The following CCDC198 variants were observed in gnomAD, a reference collection of about 807,000 sequenced individuals.
CCDC198 encodes the protein factor associated with metabolism and energy.
CCDC198 carries 18 observed loss-of-function variants against 35.6 expected under a neutral mutation model. The ratio of observed to expected loss-of-function variants is 0.51; its 90% CI spans 0.35 to 0.75. The LOEUF (loss-of-function observed/expected upper bound fraction) is 0.75. Among genes scored for constraint, CCDC198 ranks in the 30% least tolerant of loss-of-function variants. The probability of loss-of-function intolerance (pLI) is 0.01; values close to 1 mark genes in which losing one functional copy is unlikely to be tolerated. For missense variants in CCDC198, 365 were observed against 343.7 expected (o/e 1.06, Z -0.49); for synonymous variants, 119 against 113.4 (o/e 1.05, Z -0.31).
intron 2 of CCDC198, among the ~76,000 whole-genome samples, chr14:57,484,310 A>G (rs983355739): frequency 3.3e-5 from 5 of 152,170 alleles, no homozygotes; most frequent in Non-Finnish European, 5.9e-5. Context: ...GGACACAGAC[A>G]CACACACAGG....
intron 2 of CCDC198, among the ~76,000 whole-genome samples, chr14:57,483,756 TCTGCCTC>T (rs1158846295): frequency 6.6e-6 from 1 of 152,180 alleles, no homozygotes; most frequent in African/African-American, 2.4e-5. Flanking sequence ...TGTCAACCGG[TCTGCCTC>T]CAGCCGGATC....
Position 57,471,425 on chromosome 14 carries a change from T to C in CCDC198, c.821A>G (p.Lys274Arg), listed in dbSNP as rs778097592. ...CCTGGTCCTCACCAGTGCTCGTGGCTTCTTCTCATCTTTCCCCTGCTCATC... is the reference window on the plus strand; with the variant it reads ...CCTGGTCCTCACCAGTGCTCGTGGCCTCTTCTCATCTTTCCCCTGCTCATC... ...DSDEQGKDEK[K>R]PRALVRTRTE... The change falls in exon 6 of 6, where the codon AAG (lysine) becomes AGG (arginine). Residue 274 changes from lysine (K) to arginine (R), a missense_variant. Lys to Arg is a conservative substitution (Grantham distance 26). Transcript: ENST00000216445. The C allele has an allele frequency of 6.2e-7, 1 of 1,613,784 alleles. No homozygotes were observed. Among genetic ancestry groups the C allele is most frequent in the South Asian group, 1.1e-5 (1 of 91,082 alleles).
intron 2 of CCDC198, among the ~76,000 whole-genome samples, chr14:57,487,907 C>T (rs998287657): frequency 1.6e-4 from 24 of 152,214 alleles, no homozygotes; most frequent in Admixed American, 9.8e-4. Context: ...GGAGTGTCTG[C>T]CAAGTTTCTA....
intron 2 of CCDC198, among the ~76,000 whole-genome samples, chr14:57,484,305 C>T (rs1394398196): frequency 6.6e-6 from 1 of 152,176 alleles, no homozygotes; most frequent in East Asian, 1.9e-4. Context: ...AATCTGGACA[C>T]AGACACACAC....
intron 1 of CCDC198, among the ~76,000 whole-genome samples, chr14:57,492,359 T>G (rs572335296): frequency 1.3e-5 from 2 of 152,252 alleles, no homozygotes; most frequent in South Asian, 2.1e-4. Flanking sequence ...CTTTTTTTTC[T>G]TTTAATTGAG....
At position 57,490,873 on chromosome 14, in the gene CCDC198, A is replaced by G. The variant is rs554074039; in HGVS notation, c.306+116T>C. ...ATTGATGACATTTTTCTTTAAGAAC[A>G]TTCTCATTAATAGCTTGGTCCTTAT... On this transcript the variant is annotated intron_variant, in intron 2 of 5. Transcript: ENST00000216445. 1.3e-5 allele frequency: 13 copies of G among 972,800 alleles called. No individual in the cohort carries two copies. In the Admixed American group the frequency reaches 1.9e-4, roughly 14 times the overall value. The allele number at this position is 972,800 out of a possible 1,614,324, so 60.3% of individuals were successfully genotyped here. A position where few individuals can be genotyped will look rare whatever the true frequency, so the allele number is the denominator to read the frequency against.
At chr14:57,489,658 A>G (rs996905013) in intron 2 of CCDC198, among the ~76,000 whole-genome samples, 7 of 152,006 alleles carry the variant, frequency 4.6e-5, no homozygotes, top group African/African-American at 1.4e-4. Context: ...TGAAATACCA[A>G]TGTTCTCTTT....
chr14:57,492,921 G>A (rs553886069), intron 1 of CCDC198, among the ~76,000 whole-genome samples: 1 of 152,232 alleles, frequency 6.6e-6, no homozygotes, highest in East Asian at 1.9e-4. Context: ...ATCATAATGG[G>A]AAAGAATTCT....
intron 5 of CCDC198, among the ~76,000 whole-genome samples, chr14:57,473,085 A>T (rs2066870600): frequency 6.6e-6 from 1 of 152,216 alleles, no homozygotes; most frequent in South Asian, 2.1e-4. Context: ...ACTAAGATTG[A>T]CATACAAAAG....
intron 2 of CCDC198, among the ~76,000 whole-genome samples, chr14:57,488,905 A>G (rs1276281581): frequency 6.6e-6 from 1 of 152,176 alleles, no homozygotes; most frequent in Non-Finnish European, 1.5e-5. Context: ...AGAAAAAGGA[A>G]TGCTTTTACA....
chr14:57,479,365 G>A (rs555186002), intron 5 of CCDC198, among the ~76,000 whole-genome samples: 62 of 152,092 alleles, frequency 4.1e-4, no homozygotes, highest in Non-Finnish European at 6.8e-4. Flanking sequence ...CTGGGACTAC[G>A]GGCATGAGTC....
intron 2 of CCDC198, 61 bp from the exon 3 acceptor site, chr14:57,483,212 A>G: frequency 6.2e-7 from 1 of 1,612,532 alleles, no homozygotes; most frequent in Non-Finnish European, 8.5e-7. Context: ...TGAAACAGAA[A>G]AGCCAGACAT....
chr14:57,478,922 A>G, intron 5 of CCDC198: 1 of 1,262,986 alleles, frequency 7.9e-7, no homozygotes, highest in South Asian at 1.3e-5. Context: ...GCTTTTCTGC[A>G]GCTCTCTCAG....
At chr14:57,473,150 G>A (rs1190272509) in intron 5 of CCDC198, among the ~76,000 whole-genome samples, 3 of 152,214 alleles carry the variant, frequency 2.0e-5, no homozygotes, top group African/African-American at 7.2e-5. Context: ...ATTTTAATGT[G>A]AGAATTCATG....
rs144302288 is a variant in CCDC198 at position 57,481,551 on chromosome 14, G to A, written c.495+8C>T. ...ATTTGGTAAATATGACACTCTTCTCGTATTTACCTCTTGTCTTTTACGGAT... is the reference window on the plus strand; with the variant it reads ...ATTTGGTAAATATGACACTCTTCTCATATTTACCTCTTGTCTTTTACGGAT... On this transcript the variant is annotated splice_region_variant and intron_variant, in intron 4 of 5. Transcript: ENST00000216445. 37 of 1,586,990 alleles carry A rather than the reference G, an allele frequency of 2.3e-5. No homozygotes were observed. In the East Asian group the frequency reaches 2.9e-4, roughly 12 times the overall value.
rs2066799587 is a variant in CCDC198 at position 57,470,792 on chromosome 14, C to G, written c.*563G>C. 6.6e-6 allele frequency: 1 copy of G among 152,538 alleles called. No individual in the cohort carries two copies. The highest frequency in any genetic ancestry group is 6.5e-5 in the Admixed American group (1 of 15,338). 9.4% of individuals were successfully genotyped at this position (152,538 alleles called of 1,614,324 possible). A position where few individuals can be genotyped will look rare whatever the true frequency, so the allele number is the denominator to read the frequency against. On this transcript the variant is annotated 3_prime_UTR_variant, in exon 6 of 6. Transcript: ENST00000216445. ...CAAGCTGGTCTATGACTTTAACCAA[C>G]AGAACATGGTGGAAGTGATGCAAAG...
chr14:57,478,119 C>T (rs2067064341), intron 5 of CCDC198, among the ~76,000 whole-genome samples: 1 of 152,236 alleles, frequency 6.6e-6, no homozygotes, highest in African/African-American at 2.4e-5. Flanking sequence ...CCCTTCTCTA[C>T]ACTCCATCAC....
chr14:57,471,173 G>A lies in CCDC198; in HGVS notation c.*182C>T. The A allele has an allele frequency of 1.9e-6, 1 of 535,292 alleles. No individual in the cohort carries two copies. The highest frequency in any genetic ancestry group is 2.7e-5 in the South Asian group (1 of 37,138). 33.2% of individuals were successfully genotyped at this position (535,292 alleles called of 1,614,324 possible). The stretch of plus-strand genomic sequence containing the variant: ...TAGCCCCTGTGTTTTGAGGCATTTA[G>A]TTATGCAGCAATAGTTAACAGCACA... On this transcript the variant is annotated 3_prime_UTR_variant, in exon 6 of 6. Coordinates refer to ENST00000216445, the MANE Select transcript of CCDC198 (RefSeq NM_018168.4).
chr14:57,482,329 T>A (rs1359492249), intron 3 of CCDC198, among the ~76,000 whole-genome samples: 1 of 152,170 alleles, frequency 6.6e-6, no homozygotes, highest in Non-Finnish European at 1.5e-5. Context: ...ACCTTTTGTG[T>A]TGCTGTGTGG....
Sources: gnomAD v4.1 joint callset for allele counts (sites outside exome capture counted in the v4.1 genomes callset) on GRCh38, gnomAD v4.1.1 for gene constraint, MANE v1.5 for transcripts, NCBI Gene and HGNC (gene_info 2026-07-23, HGNC 2026-07-21) for gene names.